The following CLUL1 variants were observed in gnomAD, a reference collection of about 807,000 sequenced individuals.
CLUL1 encodes clusterin-like protein 1.
CLUL1 carries 43 observed loss-of-function variants against 49.4 expected under a neutral mutation model. The observed-to-expected ratio is 0.87, with a 90% CI of 0.68 to 1.12. The LOEUF is 1.12. Ranked by LOEUF, CLUL1 falls within the 50% of genes most tolerant of loss-of-function variation. The pLI, the probability that CLUL1 is intolerant of heterozygous loss-of-function variation, is 0.00. For synonymous variants in CLUL1, 192 were observed against 184.9 expected (o/e 1.04, Z -0.31); for missense variants, 486 against 544.4 (o/e 0.89, Z 1.07).
intron 7 of CLUL1, 82 bp downstream of exon 7, chr18:633,517 A>C: frequency 8.3e-7 from 1 of 1,206,272 alleles, no homozygotes; most frequent in South Asian, 1.4e-5. Context: ...CCACAAAAGA[A>C]ATAGCACTCG....
intron 1 of CLUL1, among the ~76,000 whole-genome samples, chr18:601,436 A>G (rs1482491662): frequency 1.3e-5 from 2 of 152,096 alleles, no homozygotes; most frequent in East Asian, 3.8e-4. Context: ...TGGGATCAGG[A>G]GTTTGAGACC....
chr18:647,126 T>A (rs1320284077), intron 9 of CLUL1, among the ~76,000 whole-genome samples: 1 of 152,012 alleles, frequency 6.6e-6, no homozygotes, highest in African/African-American at 2.4e-5. Context: ...AATCAAAGTG[T>A]ATAGGTTGGA....
chr18:599,279 G>A (rs543993798), intron 1 of CLUL1, among the ~76,000 whole-genome samples: 1 of 152,064 alleles, frequency 6.6e-6, no homozygotes, highest in Non-Finnish European at 1.5e-5. Flanking sequence ...ATAAAATTCC[G>A]GTTGTCTACC....
Position 645,007 on chromosome 18 carries a change from T to A in CLUL1, c.1307T>A (p.Ile436Asn). The change falls in exon 9 of 10, where the codon ATC becomes AAC. Residue 436 changes from isoleucine to asparagine, a missense_variant. Coordinates refer to ENST00000692774, the MANE Select transcript of CLUL1 (RefSeq NM_001393344.1). ...ILPSSNFTLK[I>N]PLEESAESSN... ...CCTTCCTCTAATTTCACACTCAAGA[T>A]CCCTCTTGAAGAAAGTGCTGAGAGT... is the stretch of plus-strand genomic sequence containing the variant. The A allele has an allele frequency of 1.2e-6, 2 of 1,612,760 alleles. No homozygotes were observed. Among genetic ancestry groups the A allele is most frequent in the Non-Finnish European group, 1.7e-6 (2 of 1,178,840 alleles).
At chr18:636,309 T>C (rs1330887466) in intron 7 of CLUL1, among the ~76,000 whole-genome samples, 2 of 152,204 alleles carry the variant, frequency 1.3e-5, no homozygotes, top group Non-Finnish European at 2.9e-5. Flanking sequence ...TGTATGCATA[T>C]ATGATATTAA....
chr18:627,690 C>T (rs1433008698), intron 6 of CLUL1, 161 bp downstream of exon 6: 1 of 577,326 alleles, frequency 1.7e-6, no homozygotes, highest in Non-Finnish European at 3.0e-6. Flanking sequence ...GCTTTGAAGT[C>T]TGCTAAACAC....
chr18:630,553 C>CCAAG (rs2073963344), intron 6 of CLUL1, among the ~76,000 whole-genome samples: 1 of 152,002 alleles, frequency 6.6e-6, no homozygotes, highest in Admixed American at 6.6e-5. Flanking sequence ...ACTTTGACGA[C>CCAAG]CTTGAAGACA....
In CLUL1 at chr18:625,037, G is replaced by T. The variant is rs138689635; in HGVS notation, c.423+5G>T. The T allele has an allele frequency of 5.0e-6, 8 of 1,612,858 alleles. No individual in the cohort carries two copies. The African/African-American group carries it at 6.7e-5, about 13-fold the overall frequency. On this transcript the variant is annotated splice_donor_5th_base_variant and intron_variant, in intron 5 of 9. Coordinates refer to ENST00000692774, the MANE Select transcript of CLUL1 (RefSeq NM_001393344.1). ...TGGTCCTCTGTGAAAAATAAGGTAA[G>T]AGAAAAAGAGAGCTCAAGATTTCAC...
chr18:629,728 T>C (rs1011607692), intron 6 of CLUL1, among the ~76,000 whole-genome samples: 1 of 152,212 alleles, frequency 6.6e-6, no homozygotes, highest in African/African-American at 2.4e-5. Context: ...AAAAAGTCTG[T>C]GTTACACTAT....
chr18:648,351 A>AT (rs373326536), intron 9 of CLUL1, among the ~76,000 whole-genome samples: 2 of 152,202 alleles, frequency 1.3e-5, no homozygotes, highest in Non-Finnish European at 2.9e-5. Context: ...ACACGAAGTG[A>AT]TTTTTCACAG....
Position 618,708 on chromosome 18 carries a change from G to C in CLUL1, c.107-505G>C, listed in dbSNP as rs148882977. Among the ~76,000 whole-genome samples the C allele has an allele frequency of 3.1e-3, 470 of 152,178 alleles. 1 individual carries two copies. The highest frequency in any genetic ancestry group is 0.011 in the African/African-American group (445 of 41,506). ...TGACAATGAATTTTAAACTTACTAA[G>C]GGCTTATTAAAGGTGTATAAGACAC... On this transcript the variant is annotated intron_variant, in intron 3 of 9. Coordinates refer to ENST00000692774, the MANE Select transcript of CLUL1 (RefSeq NM_001393344.1). The surrounding 1 kb of genome is among the most constrained non-coding windows in gnomAD (Gnocchi z 4.2).
intron 2 of CLUL1, among the ~76,000 whole-genome samples, chr18:610,449 T>C (rs2073100614): frequency 6.6e-6 from 1 of 151,916 alleles, no homozygotes; most frequent in Non-Finnish European, 1.5e-5. Flanking sequence ...AGGGCGAGCT[T>C]AGGGGAAAAA....
intron 1 of CLUL1, among the ~76,000 whole-genome samples, chr18:599,104 T>C (rs533188306): frequency 1.3e-5 from 2 of 152,366 alleles, no homozygotes; most frequent in Admixed American, 1.3e-4. Context: ...ATATAAGGTT[T>C]CTTATTTAAC....
intron 4 of CLUL1, among the ~76,000 whole-genome samples, chr18:621,787 A>G (rs2073494405): frequency 6.6e-6 from 1 of 152,222 alleles, no homozygotes; most frequent in African/African-American, 2.4e-5. Flanking sequence ...AGATGTGTGC[A>G]CGGGGGACCC....
At chr18:628,180 C>G (rs1024993529) in intron 6 of CLUL1, among the ~76,000 whole-genome samples, 3 of 152,246 alleles carry the variant, frequency 2.0e-5, no homozygotes, top group Middle Eastern at 3.2e-3. Flanking sequence ...TCTGCTAAAG[C>G]ATCAGAGAGC....
At chr18:629,005 C>A (rs1383129681) in intron 6 of CLUL1, among the ~76,000 whole-genome samples, 1 of 152,130 alleles carries the variant, frequency 6.6e-6, no homozygotes, top group Admixed American at 6.6e-5. Context: ...CTGTAGCTGG[C>A]AACATCTGAA....
intron 1 of CLUL1, among the ~76,000 whole-genome samples, chr18:601,327 T>C (rs1203449855): frequency 6.6e-6 from 1 of 152,124 alleles, no homozygotes; most frequent in African/African-American, 2.4e-5. Flanking sequence ...AATTCTGTCC[T>C]TCTTGTGCTG....
At position 641,307 on chromosome 18, in the gene CLUL1, A is replaced by G. The variant is rs759417793; in HGVS notation, c.995-20A>G. ...TTTCATGGACTTTTTCCTTCTCCAC[A>G]TTACTTTCTTCTCTGCTAGACTGTC... On this transcript the variant is annotated intron_variant, in intron 7 of 9. Coordinates refer to ENST00000692774, the MANE Select transcript of CLUL1 (RefSeq NM_001393344.1). The G allele has an allele frequency of 9.9e-6, 16 of 1,610,322 alleles. No homozygotes were observed. In the South Asian group the frequency reaches 1.8e-4, roughly 18 times the overall value.
chr18:626,835 TGAGTGACAGAGCAAGACTCC>T (rs1181695852), intron 5 of CLUL1, among the ~76,000 whole-genome samples: 4 of 138,534 alleles, frequency 2.9e-5, no homozygotes, highest in Admixed American at 1.6e-4. Flanking sequence ...CACTCCAGCC[TGAGTGACAGAGCAAGACTCC>T]ATCTCAAATA....
Sources: gnomAD v4.1 joint callset for allele counts (sites outside exome capture counted in the v4.1 genomes callset) on GRCh38, gnomAD v4.1.1 for gene constraint, Gnocchi (gnomAD v3.1) non-coding constraint, MANE v1.5 for transcripts, NCBI Gene and HGNC (gene_info 2026-07-23, HGNC 2026-07-21) for gene names.